NCOR1: variants seen among roughly 807,000 people sequenced by gnomAD.
The protein encoded by NCOR1 is protein phosphatase 1, regulatory subunit 109.
NCOR1 carries 63 observed loss-of-function variants against 288.1 expected under a neutral mutation model. That is an observed-to-expected ratio of 0.22 (90% CI 0.18 to 0.27). The LOEUF is 0.27. Ranked by LOEUF, NCOR1 falls within the 10% of genes least tolerant of loss-of-function variation. NCOR1 has a pLI of 1.00. For synonymous variants in NCOR1, 1,007 were observed against 1,065.9 expected, an observed-to-expected ratio of 0.94 and a Z score of 1.08; for missense variants, 2,397 against 3,019.2, an observed-to-expected ratio of 0.79 and a Z score of 4.83.
intron 18 of NCOR1, among the ~76,000 whole-genome samples, chr17:16,116,468 A>AT (rs2153108776): frequency 6.6e-6 from 1 of 152,292 alleles, no homozygotes; most frequent in South Asian, 2.1e-4. Context: ...CAAAATTCTC[A>AT]TTTTTTGCTT....
chr17:16,164,854 A>T, intron 5 of NCOR1, 125 bp downstream of exon 5: 1 of 625,126 alleles, frequency 1.6e-6, no homozygotes. Context: ...GCAAAAAAAC[A>T]GCAAGTCCGA....
chr17:16,030,243 T>C lies in NCOR1; in HGVS notation c.*2053A>G. The C allele has an allele frequency of 4.4e-6, 1 of 228,648 alleles. No homozygotes were observed. The highest frequency in any genetic ancestry group is 8.6e-6 in the Non-Finnish European group (1 of 116,252). The allele number at this position is 228,648 out of a possible 1,614,324, so 14.2% of individuals were successfully genotyped here. ...GGATCATCATGAAGGTCTTCATCCT[T>C]GTCATCTTCATGTTGAATAGGCTGA... On this transcript the variant is annotated 3_prime_UTR_variant, in exon 46 of 46. Transcript: ENST00000268712.
chr17:16,061,890 G>C lies in NCOR1; in HGVS notation c.5392C>G (p.Leu1798Val), dbSNP rs1181130244. 3.7e-6 allele frequency: 6 copies of C among 1,603,910 alleles called. No homozygotes were observed. Among genetic ancestry groups the C allele is most frequent in the Non-Finnish European group, 5.1e-6 (6 of 1,174,678 alleles). Residue 1798 changes from leucine to valine, a missense_variant, in exon 37 of 46, where the codon CTG becomes GTG. Around this residue, in one of 11 missense-constraint regions of NCOR1, gnomAD observed 1,872 missense variants for 2,187.8 expected, o/e 0.86. Transcript: ENST00000268712. Reference protein sequence around the residue: ...DPTAQLRIMPLPAGGPSISQG... With the variant: ...DPTAQLRIMPVPAGGPSISQG... Reference sequence around the variant, plus strand: ...CTTATTGAAGGGCCCCCAGCAGGCAGTGGCCTGTAAATAAAACCAAATCAC... The same window carrying C: ...CTTATTGAAGGGCCCCCAGCAGGCACTGGCCTGTAAATAAAACCAAATCAC...
chr17:16,051,482 A>G (rs1350794528), intron 40 of NCOR1, among the ~76,000 whole-genome samples: 2 of 152,230 alleles, frequency 1.3e-5, no homozygotes, highest in Non-Finnish European at 2.9e-5. Context: ...AATCTCTGGG[A>G]CACAGCTAAG....
intron 45 of NCOR1, 59 bp from the exon 46 acceptor site, chr17:16,032,542 C>A (rs2151765130): frequency 6.8e-7 from 1 of 1,476,846 alleles, no homozygotes; most frequent in South Asian, 1.4e-5. Context: ...TTCATCCAAT[C>A]CAACTTTTGT....
rs1406865726 is a variant in NCOR1, at chr17:16,064,883, A to G, written c.5088T>C (p.Ala1696=). 6.2e-7 allele frequency: 1 copy of G among 1,611,816 alleles called. No homozygotes were observed. The highest frequency in any genetic ancestry group is 2.2e-5 in the East Asian group (1 of 44,842). Reference sequence around the variant, plus strand: ...GTACAATCTCACCTGGAGACATGGAAGCAGAGTTGTACGGCCTGGGAGGGA... The same window carrying G: ...GTACAATCTCACCTGGAGACATGGAGGCAGAGTTGTACGGCCTGGGAGGGA... ...ITFPPRPYNS[A]SMSPGHPTHL... Residue 1696 remains alanine (A), a synonymous_variant, in exon 34 of 46, where the codon GCT becomes GCC. Transcript: ENST00000268712.
chr17:16,048,540 T>A (rs961746859), intron 41 of NCOR1, among the ~76,000 whole-genome samples: 1 of 152,144 alleles, frequency 6.6e-6, no homozygotes, highest in Non-Finnish European at 1.5e-5. Flanking sequence ...ATTCAAATGT[T>A]GGCTGAATCA....
At position 16,080,497 on chromosome 17, in the gene NCOR1, T is replaced by C. The variant is rs766753616; in HGVS notation, c.3311A>G (p.Tyr1104Cys). ...GGGAGAAAATTCTTCCTGCTTGATG[T>C]AGGGCAAAGTAGCTGTGGAAAGGCA... ...QESAKSATLP[Y>C]IKQEEFSPRS... The change falls in exon 25 of 46, where the codon TAC (tyrosine) becomes TGC (cysteine). Residue 1104 changes from tyrosine (Y) to cysteine (C), a missense_variant. Coordinates refer to ENST00000268712, the MANE Select transcript of NCOR1 (RefSeq NM_006311.4). 4 of 1,614,166 alleles carry C rather than the reference T, an allele frequency of 2.5e-6. No individual in the cohort carries two copies. Among genetic ancestry groups the C allele is most frequent in the Admixed American group, 1.7e-5 (1 of 60,026 alleles).
At chr17:16,181,057 G>A (rs2085306952) in intron 3 of NCOR1, among the ~76,000 whole-genome samples, 1 of 152,118 alleles carries the variant, frequency 6.6e-6, no homozygotes, top group Admixed American at 6.6e-5. Context: ...TACTCCAGAG[G>A]CTGAGGCAGG....
intron 14 of NCOR1, among the ~76,000 whole-genome samples, chr17:16,127,333 A>ATATACATGTATGTATATATGTATGTATG: frequency 1.8e-5 from 1 of 54,716 alleles, no homozygotes; most frequent in East Asian, 2.2e-4. Context: ...ATGTATGTAT[A>ATATACATGTATGTATATATGTATGTATG]TATACATGTA....
intron 1 of NCOR1, among the ~76,000 whole-genome samples, chr17:16,199,940 A>G (rs568987014): frequency 1.2e-4 from 19 of 152,316 alleles, no homozygotes; most frequent in Admixed American, 1.3e-4. Flanking sequence ...TATATATTGC[A>G]AACAGGTAAT....
At chr17:16,085,001 AAAAT>A (rs1373617222) in intron 23 of NCOR1, among the ~76,000 whole-genome samples, 1 of 152,226 alleles carries the variant, frequency 6.6e-6, no homozygotes, top group Non-Finnish European at 1.5e-5. Context: ...TACCAGTAAG[AAAAT>A]AAACAGACAA....
chr17:16,085,939 T>TTA (rs1264641639), intron 23 of NCOR1, among the ~76,000 whole-genome samples: 1 of 152,218 alleles, frequency 6.6e-6, no homozygotes, highest in East Asian at 1.9e-4. Flanking sequence ...TTTTGAGCCT[T>TTA]TACCATATGT....
intron 14 of NCOR1, among the ~76,000 whole-genome samples, chr17:16,134,109 C>T (rs1400354474): frequency 6.6e-6 from 1 of 152,212 alleles, no homozygotes; most frequent in Admixed American, 6.5e-5. Context: ...GTGGCTTCTT[C>T]TCTCACCTGG....
At chr17:16,113,238 A>G (rs966041186) in intron 18 of NCOR1, among the ~76,000 whole-genome samples, 3 of 151,656 alleles carry the variant, frequency 2.0e-5, no homozygotes, top group African/African-American at 4.9e-5. Flanking sequence ...TTTAATGAAA[A>G]GTAACCATTT....
intron 14 of NCOR1, among the ~76,000 whole-genome samples, chr17:16,126,927 T>C (rs1055575210): frequency 6.6e-6 from 1 of 152,134 alleles, no homozygotes; most frequent in Non-Finnish European, 1.5e-5. Context: ...TTCAGTTACC[T>C]GGAGTCAACT....
intron 13 of NCOR1, chr17:16,137,871 A>G (rs1031283631): frequency 2.7e-5 from 9 of 332,266 alleles, no homozygotes; most frequent in Non-Finnish European, 4.3e-5. Flanking sequence ...TGAAGCGAGC[A>G]CGAGACTGAT....
At chr17:16,132,392 G>C (rs2075781549) in intron 14 of NCOR1, among the ~76,000 whole-genome samples, 1 of 152,160 alleles carries the variant, frequency 6.6e-6, no homozygotes, top group African/African-American at 2.4e-5. Context: ...CTGCTAGCAA[G>C]AACAATGTAC....
At chr17:16,120,948 A>G in intron 16 of NCOR1, 104 bp downstream of exon 16, 1 of 1,064,288 alleles carries the variant, frequency 9.4e-7, no homozygotes, top group Non-Finnish European at 1.3e-6. Context: ...CTTCAGGATT[A>G]TTTCTAGGTT....
Sources: gnomAD v4.1 joint callset for allele counts (sites outside exome capture counted in the v4.1 genomes callset) on GRCh38, gnomAD v4.1.1 for gene constraint, gnomAD v4.1.1 regional missense constraint, MANE v1.5 for transcripts, NCBI Gene and HGNC (gene_info 2026-07-23, HGNC 2026-07-21) for gene names.